Variants in RIPK1 observed in about 807,000 individuals in gnomAD.
The protein encoded by RIPK1 is receptor-interacting serine/threonine-protein kinase 1.
RIPK1 carries 27 observed loss-of-function variants against 62.4 expected under a neutral mutation model. The observed-to-expected ratio is 0.43, with a 90% CI of 0.32 to 0.60. The LOEUF (loss-of-function observed/expected upper bound fraction) is 0.60. Ranked by LOEUF, RIPK1 falls within the 20% of genes least tolerant of loss-of-function variation. RIPK1 has a pLI of 0.07. For missense variants in RIPK1, 735 were observed against 831.0 expected, an observed-to-expected ratio of 0.88 and a Z score of 1.42; for synonymous variants, 287 against 303.2, an observed-to-expected ratio of 0.95 and a Z score of 0.55.
chr6:3,080,445 C>T (rs1759316462), intron 3 of RIPK1, among the ~76,000 whole-genome samples: 1 of 152,200 alleles, frequency 6.6e-6, no homozygotes, highest in Admixed American at 6.5e-5. Flanking sequence ...GTAGTTTTAA[C>T]ATCATGTTTA....
intron 7 of RIPK1, among the ~76,000 whole-genome samples, chr6:3,103,999 T>C (rs1357844289): frequency 1.3e-5 from 2 of 152,214 alleles, no homozygotes; most frequent in African/African-American, 2.4e-5. Flanking sequence ...TTGAATACTG[T>C]AGCTTTGTAG....
intron 1 of RIPK1, among the ~76,000 whole-genome samples, chr6:3,070,915 G>T (rs1758680319): frequency 6.6e-6 from 1 of 152,160 alleles, no homozygotes; most frequent in Admixed American, 6.5e-5. Context: ...TTGAATGAAG[G>T]GACAAATATT....
rs1758494757 is a variant in RIPK1 at position 3,068,495 on chromosome 6, G to C, written c.-227G>C. 4.1e-6 allele frequency: 4 copies of C among 985,220 alleles called. No homozygotes were observed. The highest frequency in any genetic ancestry group is 4.8e-6 in the Non-Finnish European group (4 of 829,866). The allele number at this position is 985,220 out of a possible 1,614,324, so 61.0% of individuals were successfully genotyped here. Reference sequence around the variant, plus strand: ...GCAGGGGGAGGAGGCAGCGCGAACAGTCCACGCCCTCCAGCCGGGCGCGCT... The same window carrying C: ...GCAGGGGGAGGAGGCAGCGCGAACACTCCACGCCCTCCAGCCGGGCGCGCT... On this transcript the variant is annotated 5_prime_UTR_variant, in exon 1 of 11. Transcript: ENST00000259808.
intron 1 of RIPK1, 28 bp downstream of exon 1, chr6:3,068,689 CA>C: frequency 1.0e-6 from 1 of 984,440 alleles, no homozygotes; most frequent in Non-Finnish European, 1.2e-6. Flanking sequence ...GCGCGGGGAA[CA>C]TTCCGGAGGC....
intron 4 of RIPK1, among the ~76,000 whole-genome samples, chr6:3,081,534 C>T (rs747187809): frequency 1.6e-4 from 25 of 152,176 alleles, no homozygotes; most frequent in Non-Finnish European, 2.1e-4. Context: ...AAGGTGTGTG[C>T]GGAAAATCCT....
chr6:3,075,839 CT>C (rs10602513), intron 1 of RIPK1, among the ~76,000 whole-genome samples: 3,980 of 147,142 alleles, frequency 0.027, 70 homozygotes, highest in African/African-American at 0.05. Flanking sequence ...TTTGCACAAA[CT>C]TTTTTTTTTT....
At chr6:3,073,149 T>C (rs557610742) in intron 1 of RIPK1, among the ~76,000 whole-genome samples, 46 of 151,908 alleles carry the variant, frequency 3.0e-4, no homozygotes, top group Admixed American at 6.6e-4. Flanking sequence ...TATACGTATA[T>C]ACACATAGAC....
At chr6:3,067,748 T>C (rs1453595858), upstream of RIPK1, among the ~76,000 whole-genome samples, 1 of 152,092 alleles carries the variant, frequency 6.6e-6, no homozygotes, top group Non-Finnish European at 1.5e-5. Flanking sequence ...TGCTTTTTTT[T>C]TTTTTCCTTT....
chr6:3,090,464 T>G (rs894555231), intron 7 of RIPK1, among the ~76,000 whole-genome samples: 3 of 152,086 alleles, frequency 2.0e-5, no homozygotes, highest in Non-Finnish European at 4.4e-5. Flanking sequence ...AATCATTCCC[T>G]CAAACAATCA....
chr6:3,083,187 G>T lies in RIPK1; in HGVS notation c.562G>T (p.Gly188Cys), dbSNP rs369855897. The change falls in exon 5 of 11, where the codon GGC (glycine) becomes TGC (cysteine). Residue 188 changes from glycine (G) to cysteine (C), a missense_variant. Physicochemically the swap from Gly to Cys is radical, Grantham distance 159 (BLOSUM62 -3). Around this residue, in one of 2 missense-constraint regions of RIPK1, gnomAD observed 671 missense variants for 726.2 expected, o/e 0.92. Coordinates refer to ENST00000259808, the MANE Select transcript of RIPK1 (RefSeq NM_001354930.2). ...GGACGGCACCGCTAAGAAGAATGGC[G>T]GCACCCTCTACTACATGGCGCCCGA... Reference protein sequence around the residue: ...EVDGTAKKNGGTLYYMAPEHL... With the variant: ...EVDGTAKKNGCTLYYMAPEHL... 1.4e-5 allele frequency: 22 copies of T among 1,613,874 alleles called. No individual in the cohort carries two copies. In the African/African-American group the frequency reaches 2.8e-4, roughly 21 times the overall value.
chr6:3,068,948 C>T (rs1758537238), intron 1 of RIPK1: 1 of 152,518 alleles, frequency 6.6e-6, no homozygotes, highest in Non-Finnish European at 1.5e-5. Flanking sequence ...GCGGGCGGGC[C>T]CCGCCGGTAC....
intron 6 of RIPK1, among the ~76,000 whole-genome samples, chr6:3,088,124 G>A: frequency 6.6e-6 from 1 of 152,116 alleles, no homozygotes; most frequent in Non-Finnish European, 1.5e-5. Flanking sequence ...CCTATGTTTG[G>A]AGATTCTGTA....
In RIPK1 at chr6:3,090,523, C is replaced by T. The variant is rs12111562; in HGVS notation, c.915+866C>T. 2.4e-3 allele frequency among the ~76,000 whole-genome samples: 369 copies of T among 152,176 alleles called. 1 individual carries two copies. Among genetic ancestry groups the T allele is most frequent in the African/African-American group, 8.7e-3 (361 of 41,494 alleles). ...GCCCAATTCATCTGGAAAGTATAACCGCTTTAAATGTGGATCCACCTTCAA... is the reference window on the plus strand; with the variant it reads ...GCCCAATTCATCTGGAAAGTATAACTGCTTTAAATGTGGATCCACCTTCAA... On this transcript the variant is annotated intron_variant, in intron 7 of 10. Transcript: ENST00000259808.
intron 5 of RIPK1, among the ~76,000 whole-genome samples, chr6:3,084,317 G>A (rs1385681792): frequency 1.3e-5 from 2 of 152,124 alleles, no homozygotes; most frequent in Non-Finnish European, 1.5e-5. Flanking sequence ...ATTCCTCAGC[G>A]TGGAATAAAA....
chr6:3,105,218 C>G lies in RIPK1; in HGVS notation c.1007-264C>G, dbSNP rs914600493. On this transcript the variant is annotated intron_variant, in intron 8 of 10. Transcript: ENST00000259808. This position sits in a 1 kb window ranked among gnomAD's most constrained non-coding sequence, Gnocchi z 4.5. ...CACCTTCTCTGCTCCAAACCAAGTC[C>G]CTTTTTTCCTTGATCATCCCTGCAA... Among the ~76,000 whole-genome samples, 1 of 152,150 alleles carries G rather than the reference C, an allele frequency of 6.6e-6. No homozygotes were observed. The highest frequency in any genetic ancestry group is 1.5e-5 in the Non-Finnish European group (1 of 68,026).
chr6:3,096,487 C>A (rs899927902), intron 7 of RIPK1, among the ~76,000 whole-genome samples: 3 of 150,204 alleles, frequency 2.0e-5, no homozygotes, highest in African/African-American at 4.9e-5. Flanking sequence ...CACCATAGTA[C>A]GAAGATGTCA....
At chr6:3,088,815 A>G (rs936063949) in intron 6 of RIPK1, 1 of 152,350 alleles carries the variant, frequency 6.6e-6, no homozygotes, top group Non-Finnish European at 1.5e-5. Context: ...TAGACTGGCT[A>G]AAGGTTTTCT....
At chr6:3,078,920 T>A (rs567193809) in intron 3 of RIPK1, among the ~76,000 whole-genome samples, 4 of 151,902 alleles carry the variant, frequency 2.6e-5, no homozygotes, top group African/African-American at 9.7e-5. Flanking sequence ...TTTTTTTTTT[T>A]CTTTTGTAAG....
At chr6:3,073,632 G>A (rs1758884225) in intron 1 of RIPK1, among the ~76,000 whole-genome samples, 1 of 152,000 alleles carries the variant, frequency 6.6e-6, no homozygotes, top group Non-Finnish European at 1.5e-5. Flanking sequence ...AATGTCTTAT[G>A]TCCTAGGAAA....
Sources: gnomAD v4.1 joint callset for allele counts (sites outside exome capture counted in the v4.1 genomes callset) on GRCh38, gnomAD v4.1.1 for gene constraint, gnomAD v4.1.1 regional missense constraint, Gnocchi (gnomAD v3.1) non-coding constraint, MANE v1.5 for transcripts, NCBI Gene and HGNC (gene_info 2026-07-23, HGNC 2026-07-21) for gene names.